Variants in SATB1 observed in about 807,000 individuals in gnomAD.
The protein encoded by SATB1 is DNA-binding protein SATB1.
In SATB1, 11 loss-of-function variants were observed where a neutral mutation model predicts 86.9. That is an observed-to-expected ratio of 0.13 (90% CI 0.08 to 0.21). The LOEUF (loss-of-function observed/expected upper bound fraction) is 0.21, where lower values mean the gene tolerates loss of function less well. SATB1 is among the 10% of genes least tolerant of loss of function. SATB1 has a pLI of 1.00. For missense variants in SATB1, 551 were observed against 937.6 expected, an observed-to-expected ratio of 0.59 and a Z score of 5.39; for synonymous variants, 357 against 357.2, an observed-to-expected ratio of 1.00 and a Z score of 0.01.
At chr3:18,411,694 C>CCGAAAAAAA (rs1190102092) in intron 5 of SATB1, among the ~76,000 whole-genome samples, 1 of 151,852 alleles carries the variant, frequency 6.6e-6, no homozygotes, top group Non-Finnish European at 1.5e-5. Flanking sequence ...ACCACATCCA[C>CCGAAAAAAA]CGAAAAAAAC....
At chr3:18,441,634 C>G, upstream of SATB1, among the ~76,000 whole-genome samples, 1 of 152,142 alleles carries the variant, frequency 6.6e-6, no homozygotes, top group South Asian at 2.1e-4. Context: ...TGAAAACCCA[C>G]TAGAGTGCTT....
In SATB1 at chr3:18,392,954, C is replaced by CAA. The variant is rs561237464; in HGVS notation, c.1206+1506_1206+1507dup. 4.2e-4 allele frequency among the ~76,000 whole-genome samples: 55 copies of CAA among 130,480 alleles called. 1 individual carries two copies. In the East Asian group the frequency reaches 0.012, roughly 29 times the overall value. 85.6% of individuals were successfully genotyped at this position (130,480 alleles called of 152,430 possible). The stretch of plus-strand genomic sequence containing the variant: ...ACATAGCCTTGTGCAACTGCCTTTT[C>CAA]AAAAACAGACGAACGTACAAAAAAA... On this transcript the variant is annotated intron_variant, in intron 7 of 10. Coordinates refer to ENST00000338745, the MANE Select transcript of SATB1 (RefSeq NM_002971.6).
chr3:18,422,911 C>A (rs889849840), intron 1 of SATB1, among the ~76,000 whole-genome samples: 1 of 152,160 alleles, frequency 6.6e-6, no homozygotes, highest in Non-Finnish European at 1.5e-5. Context: ...AATGTATTGA[C>A]AATCTAAAGT....
chr3:18,374,539 T>C (rs964785654), intron 9 of SATB1, among the ~76,000 whole-genome samples: 16 of 152,208 alleles, frequency 1.1e-4, no homozygotes, highest in Non-Finnish European at 2.4e-4. Flanking sequence ...ATCATCTTTT[T>C]AAAGTTTGCA....
At chr3:18,401,975 A>C (rs1697290372) in intron 5 of SATB1, among the ~76,000 whole-genome samples, 1 of 152,144 alleles carries the variant, frequency 6.6e-6, no homozygotes, top group Non-Finnish European at 1.5e-5. Flanking sequence ...TGAAAAGGTA[A>C]GGGTGGAATT....
intron 7 of SATB1, among the ~76,000 whole-genome samples, chr3:18,389,421 A>G (rs1349174571): frequency 6.6e-6 from 1 of 152,024 alleles, no homozygotes; most frequent in East Asian, 1.9e-4. Context: ...CTGCTATCAG[A>G]TCCCAGATAT....
chr3:18,403,349 G>T (rs1697364198), intron 5 of SATB1, among the ~76,000 whole-genome samples: 1 of 151,846 alleles, frequency 6.6e-6, no homozygotes, highest in Non-Finnish European at 1.5e-5. Flanking sequence ...GAGATCTCAT[G>T]AATACCCAAA....
At chr3:18,402,445 T>A (rs1304085834) in intron 5 of SATB1, among the ~76,000 whole-genome samples, 1 of 152,104 alleles carries the variant, frequency 6.6e-6, no homozygotes, top group African/African-American at 2.4e-5. Flanking sequence ...AAATCTGTTA[T>A]CACTGATTGC....
intron 9 of SATB1, among the ~76,000 whole-genome samples, chr3:18,353,448 T>C (rs1415602143): frequency 6.6e-6 from 1 of 152,068 alleles, no homozygotes; most frequent in African/African-American, 2.4e-5. Flanking sequence ...TGACTCCCCA[T>C]CCTAGGCTCT....
intron 10 of SATB1, chr3:18,351,686 C>T (rs571393974): frequency 1.9e-4 from 93 of 495,314 alleles, no homozygotes; most frequent in Admixed American, 7.6e-4. Context: ...TTAAAAAACA[C>T]ACAAAAATTT....
At chr3:18,410,309 G>A (rs548432833) in intron 5 of SATB1, among the ~76,000 whole-genome samples, 1 of 152,082 alleles carries the variant, frequency 6.6e-6, no homozygotes, top group South Asian at 2.1e-4. Flanking sequence ...ATTCATCTGA[G>A]AGGCTTTCAT....
Position 18,415,094 on chromosome 3 carries a change from C to T in SATB1, c.639+17G>A, listed in dbSNP as rs1698045591. Reference sequence around the variant, plus strand: ...GCCCATGATGTCTTATTATTTATTACATTCTATGCTAAGTACCTGTGAAAG... The same window carrying T: ...GCCCATGATGTCTTATTATTTATTATATTCTATGCTAAGTACCTGTGAAAG... On this transcript the variant is annotated intron_variant, in intron 5 of 10. Transcript: ENST00000338745. 6.2e-7 allele frequency: 1 copy of T among 1,611,770 alleles called. No individual in the cohort carries two copies. The highest frequency in any genetic ancestry group is 8.5e-7 in the Non-Finnish European group (1 of 1,178,568).
intron 8 of SATB1, among the ~76,000 whole-genome samples, chr3:18,379,821 G>A (rs1695954285): frequency 6.6e-6 from 1 of 152,170 alleles, no homozygotes; most frequent in Non-Finnish European, 1.5e-5. Context: ...GGCCTGAAGG[G>A]GACACAGCAG....
rs148664725 is a variant in SATB1 at position 18,437,860 on chromosome 3, A to C, written c.-108+705T>G. Among the ~76,000 whole-genome samples the C allele has an allele frequency of 3.8e-3, 576 of 152,274 alleles. 4 individuals are homozygous for C. The highest frequency in any genetic ancestry group is 0.013 in the African/African-American group (557 of 41,570). On this transcript the variant is annotated intron_variant, in intron 1 of 3. Transcript: ENST00000414509. ...AGATTTTTTAAAAATTTAAAACTGT[A>C]TGCATCTTAATTTAGTACTTCATTC...
intron 5 of SATB1, among the ~76,000 whole-genome samples, chr3:18,400,553 A>G (rs1254721840): frequency 6.6e-6 from 1 of 152,200 alleles, no homozygotes; most frequent in Admixed American, 6.5e-5. Flanking sequence ...AAATTCTACT[A>G]TGTGCCAAGC....
Position 18,349,132 on chromosome 3 carries a change from T to C in SATB1, c.*38A>G. On this transcript the variant is annotated 3_prime_UTR_variant, in exon 11 of 11. Coordinates refer to ENST00000338745, the MANE Select transcript of SATB1 (RefSeq NM_002971.6). This position sits in a 1 kb window ranked among gnomAD's most constrained non-coding sequence, Gnocchi z 5.5. ...GTGGACTTTTCATTTTGTTAGTAAATACCAGTGGCACTGTTGAACGAAACA... is the reference window on the plus strand; with the variant it reads ...GTGGACTTTTCATTTTGTTAGTAAACACCAGTGGCACTGTTGAACGAAACA... The C allele has an allele frequency of 6.3e-7, 1 of 1,591,346 alleles. No homozygotes were observed. The highest frequency in any genetic ancestry group is 8.6e-7 in the Non-Finnish European group (1 of 1,167,784).
intron 9 of SATB1, among the ~76,000 whole-genome samples, chr3:18,364,038 T>G (rs550804435): frequency 3.9e-5 from 6 of 152,176 alleles, no homozygotes; most frequent in Admixed American, 6.6e-5. Context: ...GAAGGATGCT[T>G]GAAGAGCAAG....
At chr3:18,429,087 C>G (rs544159002), upstream of SATB1, among the ~76,000 whole-genome samples, 2 of 152,022 alleles carry the variant, frequency 1.3e-5, no homozygotes, top group Non-Finnish European at 2.9e-5. The surrounding 1 kb of genome is among the most constrained non-coding windows in gnomAD (Gnocchi z 4.1). Flanking sequence ...GCATATTGCT[C>G]TTTTTGTCGT....
At chr3:18,395,317 A>AATAAGCTT (rs1268058833) in intron 6 of SATB1, among the ~76,000 whole-genome samples, 8 of 152,212 alleles carry the variant, frequency 5.3e-5, no homozygotes, top group Non-Finnish European at 1.2e-4. Context: ...GAGCTGAGAA[A>AATAAGCTT]ATAAGCTTAT....
Sources: allele counts gnomAD v4.1 joint callset (sites outside exome capture counted in the v4.1 genomes callset), GRCh38; gene constraint gnomAD v4.1.1; non-coding constraint Gnocchi (gnomAD v3.1); transcripts MANE v1.5; gene names NCBI Gene and HGNC (gene_info 2026-07-23, HGNC 2026-07-21).